JARID2: variants seen among roughly 807,000 people sequenced by gnomAD.
JARID2 encodes protein Jumonji.
In JARID2, 21 loss-of-function variants were observed where a neutral mutation model predicts 125.6. The observed-to-expected ratio is 0.17, with a 90% CI of 0.12 to 0.24. The LOEUF is 0.24. Among genes scored for constraint, JARID2 ranks in the 10% least tolerant of loss-of-function variants. JARID2 has a pLI of 1.00. For synonymous variants in JARID2, 736 were observed against 661.6 expected, an observed-to-expected ratio of 1.11 and a Z score of -1.73; for missense variants, 1,303 against 1,639.6, an observed-to-expected ratio of 0.79 and a Z score of 3.55.
intron 1 of JARID2, among the ~76,000 whole-genome samples, chr6:15,350,402 A>C (rs934741381): frequency 3.3e-5 from 5 of 152,160 alleles, no homozygotes; most frequent in African/African-American, 1.2e-4. Context: ...TGAGCTGGAG[A>C]TGTTAATCAA....
chr6:15,299,188 G>A (rs1182912964), intron 1 of JARID2, among the ~76,000 whole-genome samples: 1 of 152,160 alleles, frequency 6.6e-6, no homozygotes, highest in Non-Finnish European at 1.5e-5. Context: ...TGGACATAGG[G>A]TTCTCTGGAG....
chr6:15,252,134 T>G (rs1759479865), intron 1 of JARID2, among the ~76,000 whole-genome samples: 2 of 152,294 alleles, frequency 1.3e-5, no homozygotes, highest in Non-Finnish European at 1.5e-5. Context: ...GATTCCCTTT[T>G]AAGAACCAAA....
intron 5 of JARID2, among the ~76,000 whole-genome samples, chr6:15,482,092 T>C (rs1769647182): frequency 6.6e-6 from 1 of 152,238 alleles, no homozygotes; most frequent in Non-Finnish European, 1.5e-5. Context: ...ATAAGAAAGA[T>C]ACTGCTGACT....
At chr6:15,338,583 C>G (rs1018574734) in intron 1 of JARID2, among the ~76,000 whole-genome samples, 5 of 152,188 alleles carry the variant, frequency 3.3e-5, no homozygotes, top group African/African-American at 1.2e-4. Context: ...TCCAGCCCTC[C>G]TGTTTGCTGT....
chr6:15,335,307 C>A (rs1262613489), intron 1 of JARID2, among the ~76,000 whole-genome samples: 1 of 151,910 alleles, frequency 6.6e-6, no homozygotes, highest in Non-Finnish European at 1.5e-5. Context: ...ACCGTGTTGG[C>A]CAGGCTGGTC....
chr6:15,304,792 T>G (rs558411331), intron 1 of JARID2, among the ~76,000 whole-genome samples: 1 of 152,232 alleles, frequency 6.6e-6, no homozygotes, highest in East Asian at 1.9e-4. Context: ...GCATTTTCTG[T>G]TTTTCCTGGG....
chr6:15,308,178 GT>G, intron 1 of JARID2, among the ~76,000 whole-genome samples: 1 of 152,194 alleles, frequency 6.6e-6, no homozygotes, highest in South Asian at 2.1e-4. Context: ...AGTGAATTTT[GT>G]TTAATTCCTT....
At chr6:15,331,364 A>C (rs1012935853) in intron 1 of JARID2, among the ~76,000 whole-genome samples, 3 of 151,684 alleles carry the variant, frequency 2.0e-5, no homozygotes, top group Non-Finnish European at 1.5e-5. Flanking sequence ...AACAAAAAAA[A>C]CAAAAAACCT....
chr6:15,428,010 C>T (rs1766805437), intron 3 of JARID2, among the ~76,000 whole-genome samples: 1 of 152,024 alleles, frequency 6.6e-6, no homozygotes, highest in Non-Finnish European at 1.5e-5. Flanking sequence ...ACTACTGTCG[C>T]CGTATACTTC....
chr6:15,300,404 T>G (rs1339150214), intron 1 of JARID2, among the ~76,000 whole-genome samples: 3 of 152,180 alleles, frequency 2.0e-5, no homozygotes, highest in African/African-American at 2.4e-5. Context: ...TAAGTGACAT[T>G]TAAGCTGCAT....
intron 3 of JARID2, among the ~76,000 whole-genome samples, chr6:15,420,724 C>A (rs1184746292): frequency 6.6e-6 from 1 of 152,168 alleles, no homozygotes; most frequent in Non-Finnish European, 1.5e-5. Context: ...TATTAGGGAA[C>A]AGTTTGATCT....
chr6:15,368,888 G>A (rs769912636), intron 1 of JARID2, among the ~76,000 whole-genome samples: 6 of 151,970 alleles, frequency 3.9e-5, no homozygotes, highest in Admixed American at 1.3e-4. Flanking sequence ...AAACTTGACC[G>A]TGTACCAGAA....
At chr6:15,404,263 C>A (rs779172468) in intron 2 of JARID2, among the ~76,000 whole-genome samples, 2 of 152,188 alleles carry the variant, frequency 1.3e-5, no homozygotes, top group African/African-American at 2.4e-5. Flanking sequence ...TGCTGACCTG[C>A]ATGTGTACAG....
At chr6:15,437,567 T>C (rs1407398507) in intron 3 of JARID2, among the ~76,000 whole-genome samples, 1 of 152,092 alleles carries the variant, frequency 6.6e-6, no homozygotes, top group Non-Finnish European at 1.5e-5. Flanking sequence ...AAAGAGGAAC[T>C]TTTTCTCTAC....
chr6:15,471,586 C>A (rs991382667), intron 5 of JARID2, among the ~76,000 whole-genome samples: 5 of 152,152 alleles, frequency 3.3e-5, no homozygotes, highest in African/African-American at 1.2e-4. Flanking sequence ...GAGTTAATCC[C>A]ATGTATACTA....
intron 2 of JARID2, among the ~76,000 whole-genome samples, chr6:15,377,365 C>T (rs973701425): frequency 3.3e-5 from 5 of 152,154 alleles, no homozygotes; most frequent in African/African-American, 4.8e-5. Context: ...CCCCATGATT[C>T]AATTACCTCC....
At chr6:15,293,012 A>T (rs1166938990) in intron 1 of JARID2, among the ~76,000 whole-genome samples, 1 of 152,198 alleles carries the variant, frequency 6.6e-6, no homozygotes, top group African/African-American at 2.4e-5. Flanking sequence ...AAGGCAGGAC[A>T]CCTTTAGAAA....
Position 15,507,252 on chromosome 6 carries a change from G to A in JARID2, c.2658G>A (p.Ser886=), listed in dbSNP as rs547497965. ...CAGTAGGAAAATCAGAACCCTTTTC[G>A]AGGTAACCTGGGATTCTCTCGTCCA... is the stretch of plus-strand genomic sequence containing the variant. ...GFPVGKSEPF[S]RHGWNLTVLP... is the part of the protein sequence containing the mutation. The change falls in exon 10 of 18, where the codon TCG becomes TCA. Residue 886 remains serine (S), a splice_region_variant and synonymous_variant. Coordinates refer to ENST00000341776, the MANE Select transcript of JARID2 (RefSeq NM_004973.4). The A allele has an allele frequency of 4.3e-5, 70 of 1,611,052 alleles. No individual in the cohort carries two copies. The highest frequency in any genetic ancestry group is 5.2e-5 in the Non-Finnish European group (61 of 1,177,342).
chr6:15,329,832 T>C (rs1283684334), intron 1 of JARID2, among the ~76,000 whole-genome samples: 1 of 152,182 alleles, frequency 6.6e-6, no homozygotes, highest in Non-Finnish European at 1.5e-5. Flanking sequence ...TTTTTGGGAG[T>C]GATCTTTGTA....
Sources: gnomAD v4.1 joint callset for allele counts (sites outside exome capture counted in the v4.1 genomes callset) on GRCh38, gnomAD v4.1.1 for gene constraint, MANE v1.5 for transcripts, NCBI Gene and HGNC (gene_info 2026-07-23, HGNC 2026-07-21) for gene names.